TPO: variants seen among roughly 807,000 people sequenced by gnomAD.
TPO encodes thyroid microsomal antigen.
TPO carries 78 observed loss-of-function variants against 96.9 expected under a neutral mutation model. The ratio of observed to expected loss-of-function variants is 0.81; its 90% CI spans 0.67 to 0.97. The LOEUF (loss-of-function observed/expected upper bound fraction) is 0.97, where lower values mean the gene tolerates loss of function less well. Among genes scored for constraint, TPO ranks in the 50% least tolerant of loss-of-function variants. The probability of loss-of-function intolerance (pLI) is 0.00; values close to 1 mark genes in which losing one functional copy is unlikely to be tolerated. For synonymous variants in TPO, 547 were observed against 538.0 expected, an observed-to-expected ratio of 1.02 and a Z score of -0.23; for missense variants, 1,252 against 1,274.8, an observed-to-expected ratio of 0.98 and a Z score of 0.27.
At chr2:1,516,466 G>T (rs979205690) in intron 14 of TPO, among the ~76,000 whole-genome samples, 1 of 152,136 alleles carries the variant, frequency 6.6e-6, no homozygotes, top group African/African-American at 2.4e-5. Context: ...GCGTTATACC[G>T]CGTCCCTTAC....
chr2:1,542,039 C>T (rs2125362248), intron 16 of TPO: 1 of 282,998 alleles, frequency 3.5e-6, no homozygotes, highest in East Asian at 7.7e-5. Flanking sequence ...ACAGCAAGGG[C>T]AGTGCCAGCA....
intron 2 of TPO, among the ~76,000 whole-genome samples, chr2:1,416,969 T>G (rs1050762228): frequency 6.6e-6 from 1 of 152,038 alleles, no homozygotes; most frequent in Admixed American, 6.6e-5. Context: ...CTCCGGGGGG[T>G]CCTGCTTGGT....
At position 1,475,100 on chromosome 2, in the gene TPO, G is replaced by A. The variant is rs1203025027; in HGVS notation, c.820-1986G>A. On this transcript the variant is annotated intron_variant, in intron 7 of 16. Coordinates refer to ENST00000329066, the MANE Select transcript of TPO (RefSeq NM_001206744.2). ...GTGAGTTAACTTTTCATTGATTTCT[G>A]GAGACACTTTCAGCTCTTCTTAAGA... 2.0e-5 allele frequency among the ~76,000 whole-genome samples: 3 copies of A among 152,184 alleles called. No homozygotes were observed. The East Asian group carries it at 5.8e-4, about 29-fold the overall frequency.
In TPO at chr2:1,422,844, C is replaced by T. The variant is rs550956201; in HGVS notation, c.95-201C>T. 1.5e-3 allele frequency among the ~76,000 whole-genome samples: 231 copies of T among 152,282 alleles called. 1 individual carries two copies. The highest frequency in any genetic ancestry group is 3.3e-3 in the Admixed American group (51 of 15,304). Reference sequence around the variant, plus strand: ...TCTGATCCCATCCTCCAGGCAGCTCCGTGCAGTGGGGGTGGACGCCCCTCT... The same window carrying T: ...TCTGATCCCATCCTCCAGGCAGCTCTGTGCAGTGGGGGTGGACGCCCCTCT... On this transcript the variant is annotated intron_variant, in intron 2 of 16. Coordinates refer to ENST00000329066, the MANE Select transcript of TPO (RefSeq NM_001206744.2).
chr2:1,430,725 G>C (rs951469493), intron 3 of TPO, among the ~76,000 whole-genome samples: 2 of 152,342 alleles, frequency 1.3e-5, no homozygotes, highest in East Asian at 3.9e-4. Flanking sequence ...TACAGGACAC[G>C]GAGTCAAAGG....
intron 1 of TPO, among the ~76,000 whole-genome samples, chr2:1,401,921 G>A (rs891998009): frequency 7.2e-5 from 11 of 152,146 alleles, no homozygotes; most frequent in African/African-American, 1.2e-4. Context: ...ACTGAGTGCC[G>A]CGAGCCAGCC....
At chr2:1,443,242 C>T (rs1187950846) in intron 5 of TPO, among the ~76,000 whole-genome samples, 1 of 151,856 alleles carries the variant, frequency 6.6e-6, no homozygotes, top group East Asian at 1.9e-4. Flanking sequence ...GGGCAGGCTC[C>T]TTCTTGTTTG....
At chr2:1,479,868 A>G (rs1670375471) in intron 8 of TPO, among the ~76,000 whole-genome samples, 2 of 149,934 alleles carry the variant, frequency 1.3e-5, no homozygotes, top group Admixed American at 1.3e-4. Context: ...TGCAACCACC[A>G]CCTCCCAGGT....
chr2:1,514,962 C>A (rs1002169132), intron 14 of TPO, among the ~76,000 whole-genome samples: 1 of 152,180 alleles, frequency 6.6e-6, no homozygotes, highest in African/African-American at 2.4e-5. Context: ...CTCCTCCTCT[C>A]ACTCAAGGCT....
At position 1,441,275 on chromosome 2, in the gene TPO, C is replaced by T. The variant is rs76225914; in HGVS notation, c.482+4891C>T. 4.3e-3 allele frequency among the ~76,000 whole-genome samples: 649 copies of T among 152,186 alleles called. 9 individuals carry two copies. The highest frequency in any genetic ancestry group is 0.014 in the African/African-American group (587 of 41,506). On this transcript the variant is annotated intron_variant, in intron 5 of 16. Transcript: ENST00000329066. The stretch of plus-strand genomic sequence containing the variant: ...TGGGGCAGACTCCTTCTTGTTGGTA[C>T]GGTGTGGCCAATGCTGCAGGACGTA...
intron 15 of TPO, among the ~76,000 whole-genome samples, chr2:1,520,028 T>A (rs1443224601): frequency 6.6e-6 from 1 of 152,104 alleles, no homozygotes; most frequent in Non-Finnish European, 1.5e-5. Context: ...CTGAAAGATA[T>A]GAAAAAGTGG....
chr2:1,477,123 G>C lies in TPO; in HGVS notation c.857G>C (p.Cys286Ser). The C allele has an allele frequency of 6.2e-7, 1 of 1,609,212 alleles. No homozygotes were observed. Among genetic ancestry groups the C allele is most frequent in the Non-Finnish European group, 8.5e-7 (1 of 1,178,858 alleles). ...GCCCGGCCGGCCGCGGGCACCGCCTGTCTGCCCTTCTACCGCTCTTCGGCC... is the reference window on the plus strand; with the variant it reads ...GCCCGGCCGGCCGCGGGCACCGCCTCTCTGCCCTTCTACCGCTCTTCGGCC... ...EEARPAAGTA[C>S]LPFYRSSAAC... The change falls in exon 8 of 17, where the codon TGT becomes TCT. Residue 286 changes from cysteine to serine, a missense_variant. Cys to Ser is a moderately radical substitution (Grantham distance 112, BLOSUM62 -1). Transcript: ENST00000329066.
At chr2:1,535,332 C>CGT (rs1679363274) in intron 15 of TPO, among the ~76,000 whole-genome samples, 5 of 84,674 alleles carry the variant, frequency 5.9e-5, no homozygotes, top group Admixed American at 1.4e-4. Context: ...AAATCCCCCC[C>CGT]ACTGTATGCA....
chr2:1,374,981 G>A (rs909651589), intron 1 of TPO, among the ~76,000 whole-genome samples: 4 of 151,764 alleles, frequency 2.6e-5, no homozygotes, highest in Non-Finnish European at 5.9e-5. Flanking sequence ...TACCCACCTT[G>A]GCCTCCCAAA....
intron 3 of TPO, among the ~76,000 whole-genome samples, chr2:1,431,638 A>G (rs1347081470): frequency 6.6e-6 from 1 of 152,196 alleles, no homozygotes; most frequent in African/African-American, 2.4e-5. Flanking sequence ...ATGTGGTGAG[A>G]GCACTTAAAA....
intron 11 of TPO, 114 bp downstream of exon 11, chr2:1,494,153 T>G: frequency 9.3e-7 from 1 of 1,078,094 alleles, no homozygotes. Flanking sequence ...CATTCAACTC[T>G]TACGTAAGCC....
At chr2:1,529,110 C>CCA (rs1677356678) in intron 15 of TPO, among the ~76,000 whole-genome samples, 1 of 124,780 alleles carries the variant, frequency 8.0e-6, no homozygotes, top group Non-Finnish European at 1.6e-5. Flanking sequence ...CCAAATCCCC[C>CCA]CACTGTGTGC....
chr2:1,446,365 G>A (rs1295333615), intron 5 of TPO, among the ~76,000 whole-genome samples: 1 of 152,144 alleles, frequency 6.6e-6, no homozygotes, highest in East Asian at 1.9e-4. Context: ...GCAGGCATGG[G>A]CGCCTCTCTG....
chr2:1,438,604 C>G (rs995848339), intron 5 of TPO, among the ~76,000 whole-genome samples: 1 of 150,902 alleles, frequency 6.6e-6, no homozygotes, highest in South Asian at 2.2e-4. Flanking sequence ...CACGTCCCTC[C>G]TCCACGTCAG....
Sources: gnomAD v4.1 joint callset for allele counts (sites outside exome capture counted in the v4.1 genomes callset) on GRCh38, gnomAD v4.1.1 for gene constraint, MANE v1.5 for transcripts, NCBI Gene and HGNC (gene_info 2026-07-23, HGNC 2026-07-21) for gene names.